SETBP1: variants seen among roughly 807,000 people sequenced by gnomAD.
SETBP1 encodes the protein SET-binding protein.
Under a neutral mutation model 101.0 loss-of-function variants are expected in SETBP1, and 9 were observed. The ratio of observed to expected loss-of-function variants is 0.09; its 90% CI spans 0.05 to 0.16. SETBP1 has a LOEUF of 0.16. Ranked by LOEUF, SETBP1 falls within the 10% of genes least tolerant of loss-of-function variation. The probability of loss-of-function intolerance (pLI) is 1.00; values close to 1 mark genes in which losing one functional copy is unlikely to be tolerated. For synonymous variants in SETBP1, 818 were observed against 788.5 expected, an observed-to-expected ratio of 1.04 and a Z score of -0.63; for missense variants, 1,858 against 2,033.8, an observed-to-expected ratio of 0.91 and a Z score of 1.66.
intron 4 of SETBP1, among the ~76,000 whole-genome samples, chr18:45,006,348 T>C (rs1197518360): frequency 1.3e-5 from 2 of 152,172 alleles, no homozygotes; most frequent in Non-Finnish European, 2.9e-5. Context: ...TTGTTCCTTG[T>C]AGGTTCGTTC....
chr18:44,710,601 G>A (rs923625426), intron 2 of SETBP1, among the ~76,000 whole-genome samples: 20 of 151,932 alleles, frequency 1.3e-4, no homozygotes, highest in African/African-American at 4.6e-4. Context: ...ACAGGCCCAT[G>A]CCACCACATG....
chr18:44,697,115 T>C (rs1401685487), intron 1 of SETBP1: 1 of 152,296 alleles, frequency 6.6e-6, no homozygotes, highest in African/African-American at 2.4e-5. Context: ...TGCTGGAATG[T>C]GACAAGGCAA....
chr18:44,820,627 C>T (rs1282243998), intron 2 of SETBP1, among the ~76,000 whole-genome samples: 1 of 152,218 alleles, frequency 6.6e-6, no homozygotes, highest in Non-Finnish European at 1.5e-5. Context: ...CTAGCTCCCT[C>T]ACTTCGTCAT....
chr18:44,995,085 T>A (rs2072460934), intron 4 of SETBP1, among the ~76,000 whole-genome samples: 1 of 151,684 alleles, frequency 6.6e-6, no homozygotes, highest in Non-Finnish European at 1.5e-5. Flanking sequence ...GTATTGGCAA[T>A]ATAATGTGTC....
Position 45,065,815 on chromosome 18 carries a change from C to G in SETBP1, c.*2117C>G, listed in dbSNP as rs966163252. ...TTGGCATTTCACGCAAGTTGAACAG[C>G]AAAATCAAAGCAGCCATTTTTAATT... On this transcript the variant is annotated 3_prime_UTR_variant, in exon 6 of 6. Coordinates refer to ENST00000649279, the MANE Select transcript of SETBP1 (RefSeq NM_015559.3). 6.6e-6 allele frequency: 1 copy of G among 152,192 alleles called. No homozygotes were observed. The highest frequency in any genetic ancestry group is 1.5e-5 in the Non-Finnish European group (1 of 68,048). The allele number at this position is 152,192 out of a possible 1,614,324, so 9.4% of individuals were successfully genotyped here.
chr18:45,033,760 GTGA>G (rs1171626722), intron 4 of SETBP1, among the ~76,000 whole-genome samples: 1 of 152,178 alleles, frequency 6.6e-6, no homozygotes, highest in Non-Finnish European at 1.5e-5. Flanking sequence ...GGATCCCTTG[GTGA>G]TGACTCCATC....
intron 2 of SETBP1, among the ~76,000 whole-genome samples, chr18:44,865,943 G>A (rs1039822228): frequency 2.0e-5 from 3 of 152,202 alleles, no homozygotes; most frequent in African/African-American, 7.2e-5. Context: ...CCAGATAGAA[G>A]TTATTTGAGT....
chr18:44,714,517 T>C (rs1482476656), intron 2 of SETBP1, among the ~76,000 whole-genome samples: 1 of 152,108 alleles, frequency 6.6e-6, no homozygotes, highest in Admixed American at 6.6e-5. Flanking sequence ...TCTTCTGTTC[T>C]ATTAATATCA....
At chr18:45,045,729 G>A (rs1293320049) in intron 5 of SETBP1, among the ~76,000 whole-genome samples, 4 of 152,096 alleles carry the variant, frequency 2.6e-5, no homozygotes, top group Non-Finnish European at 4.4e-5. Flanking sequence ...GTAAAATGGG[G>A]AAAAGAATAT....
chr18:44,881,183 T>C (rs2069522450), intron 3 of SETBP1, among the ~76,000 whole-genome samples: 1 of 152,218 alleles, frequency 6.6e-6, no homozygotes, highest in African/African-American at 2.4e-5. Flanking sequence ...GGTTTACTTG[T>C]CACTCACCAT....
chr18:44,710,393 A>G (rs186741867), intron 2 of SETBP1, among the ~76,000 whole-genome samples: 9 of 151,848 alleles, frequency 5.9e-5, no homozygotes, highest in Admixed American at 5.9e-4. Flanking sequence ...CAGGTTCCTG[A>G]TAACATTAAA....
At chr18:44,748,698 A>G (rs1204726708) in intron 2 of SETBP1, among the ~76,000 whole-genome samples, 1 of 152,232 alleles carries the variant, frequency 6.6e-6, no homozygotes, top group Non-Finnish European at 1.5e-5. Flanking sequence ...AATAGTGTCC[A>G]CTTAGCTTCT....
chr18:45,014,429 T>C (rs1433452324), intron 4 of SETBP1, among the ~76,000 whole-genome samples: 1 of 152,240 alleles, frequency 6.6e-6, no homozygotes, highest in Non-Finnish European at 1.5e-5. Flanking sequence ...TACATCCTCC[T>C]GCTGTTGGAT....
intron 4 of SETBP1, among the ~76,000 whole-genome samples, chr18:44,963,912 A>AAC (rs1469205885): frequency 1.3e-5 from 2 of 150,712 alleles, no homozygotes; most frequent in Non-Finnish European, 3.0e-5. Flanking sequence ...AAAAAAAAAA[A>AAC]AAAAAAAAAA....
At chr18:44,691,657 G>A (rs1192773356) in intron 1 of SETBP1, among the ~76,000 whole-genome samples, 1 of 152,156 alleles carries the variant, frequency 6.6e-6, no homozygotes, top group African/African-American at 2.4e-5. Flanking sequence ...AGAGATCCCT[G>A]AGTACAGAGA....
At chr18:44,697,629 A>G (rs1377550241) in intron 1 of SETBP1, among the ~76,000 whole-genome samples, 1 of 152,242 alleles carries the variant, frequency 6.6e-6, no homozygotes, top group Non-Finnish European at 1.5e-5. Context: ...ATACAACTAC[A>G]GTTAGGCTCA....
intron 2 of SETBP1, among the ~76,000 whole-genome samples, chr18:44,718,214 A>AG (rs1163194805): frequency 1.3e-5 from 2 of 152,200 alleles, no homozygotes; most frequent in African/African-American, 2.4e-5. Flanking sequence ...GGAGGTTGAA[A>AG]GTGATGGATG....
chr18:44,695,778 G>A (rs1283069291), intron 1 of SETBP1, among the ~76,000 whole-genome samples: 2 of 152,076 alleles, frequency 1.3e-5, no homozygotes, highest in Non-Finnish European at 2.9e-5. Flanking sequence ...TAAGGAGCAT[G>A]GAGTTCTACT....
intron 2 of SETBP1, among the ~76,000 whole-genome samples, chr18:44,827,725 A>G (rs2144427748): frequency 6.6e-6 from 1 of 152,330 alleles, no homozygotes; most frequent in African/African-American, 2.4e-5. Context: ...TTATAGAAAC[A>G]TTAGGCGATC....
Sources: allele counts gnomAD v4.1 joint callset (sites outside exome capture counted in the v4.1 genomes callset), GRCh38; gene constraint gnomAD v4.1.1; transcripts MANE v1.5; gene names NCBI Gene and HGNC (gene_info 2026-07-23, HGNC 2026-07-21).